The following CMC4 variants were observed in gnomAD, a reference collection of about 807,000 sequenced individuals.
CMC4 encodes cx9C motif-containing protein 4.
A neutral mutation model predicts 5.1 loss-of-function variants in CMC4; 4 were observed. The ratio of observed to expected loss-of-function variants is 0.78; its 90% CI spans 0.38 to 1.78. The LOEUF is 1.78. CMC4 is among the 40% of genes most tolerant of loss of function. CMC4 has a pLI of 0.04. For missense variants in CMC4, 52 were observed against 51.3 expected, an observed-to-expected ratio of 1.01 and a Z score of -0.04; for synonymous variants, 23 against 18.9, an observed-to-expected ratio of 1.22 and a Z score of -0.57.
intron 1 of CMC4, among the ~76,000 whole-genome samples, chrX:155,068,445 G>A (rs1557292172): frequency 1.8e-5 from 2 of 112,345 alleles, no homozygotes; most frequent in Admixed American, 1.9e-4. Flanking sequence ...TCCTGGAATT[G>A]TGTGTGCTAG....
intron 1 of CMC4, among the ~76,000 whole-genome samples, chrX:155,066,625 C>A (rs5945137): frequency 0.13 from 14,345 of 111,597 alleles, 893 homozygotes; most frequent in African/African-American, 0.23. Context: ...TTACAAATAG[C>A]GGATGGGCAT....
In CMC4 at chrX:155,070,780, G is replaced by A. The variant is rs2073970453; in HGVS notation, c.-97C>T. The A allele has an allele frequency of 1.8e-5, 2 of 112,479 alleles. No homozygotes were observed. Among genetic ancestry groups the A allele is most frequent in the Non-Finnish European group, 3.8e-5 (2 of 53,197 alleles). 9.3% of individuals were successfully genotyped at this position (112,479 alleles called of 1,213,427 possible). ...AGGTCTCCCACCCTGGGCCACTCAA[G>A]CCAGGATCGCGACGTGAGCCCGGGG... On this transcript the variant is annotated 5_prime_UTR_variant, in exon 1 of 3. Transcript: ENST00000369484.
chrX:155,063,854 T>G lies in CMC4; in HGVS notation c.58+112A>C, dbSNP rs2073937741. ...CAATGAAGAGAATCTTCAGGATAAT[T>G]ACATATACGTTACATTCTTAAAAAA... is the stretch of plus-strand genomic sequence containing the variant. On this transcript the variant is annotated intron_variant, in intron 2 of 2. Coordinates refer to ENST00000369484, the MANE Select transcript of CMC4 (RefSeq NM_001018024.3). The G allele has an allele frequency of 8.8e-6, 5 of 570,520 alleles. No individual in the cohort carries two copies. In the South Asian group the frequency reaches 1.5e-4, roughly 17 times the overall value. The allele number at this position is 570,520 out of a possible 1,213,427, so 47.0% of individuals were successfully genotyped here.
At chrX:155,067,716 T>C (rs1158705867) in intron 1 of CMC4, among the ~76,000 whole-genome samples, 1 of 112,470 alleles carries the variant, frequency 8.9e-6, no homozygotes, top group Non-Finnish European at 1.9e-5. Flanking sequence ...TAAAGCACAG[T>C]ATTGTATTCT....
intron 1 of CMC4, chrX:155,065,519 G>A (rs1160420417): frequency 8.3e-7 from 1 of 1,209,752 alleles, no homozygotes; most frequent in Non-Finnish European, 1.1e-6. Flanking sequence ...TTAAGCAACA[G>A]CTCCTGTACT....
intron 1 of CMC4, chrX:155,064,436 G>A (rs2073940991): frequency 8.6e-6 from 1 of 115,949 alleles, no homozygotes; most frequent in South Asian, 3.5e-4. Flanking sequence ...GCATTGACAG[G>A]AGGATTAAAT....
intron 2 of CMC4, among the ~76,000 whole-genome samples, chrX:155,063,688 C>CT (rs2073936894): frequency 1.8e-5 from 2 of 111,483 alleles, no homozygotes; most frequent in East Asian, 2.8e-4. Flanking sequence ...ACAAAAAACC[C>CT]TTTTTTTCCT....
In CMC4 at chrX:155,063,983, A is replaced by G. The variant is rs143739041; in HGVS notation, c.41T>C (p.Ile14Thr). The change falls in exon 2 of 3, where the codon ATA (isoleucine) becomes ACA (threonine). Residue 14 changes from isoleucine to threonine, a missense_variant. By Grantham distance (89) the Ile-to-Thr change is moderately conservative (BLOSUM62 -1). Coordinates refer to ENST00000369484, the MANE Select transcript of CMC4 (RefSeq NM_001018024.3). ...KDPCQKQACE[I>T]QKCLQANSYM... ...TATACTACCTTGTAAACATTTCTGT[A>G]TCTCACAGGCTTGCTTCTGGCACGG... 32 of 1,195,514 alleles carry G rather than the reference A, an allele frequency of 2.7e-5. No homozygotes were observed. The East Asian group carries it at 3.6e-4, about 13-fold the overall frequency.
At chrX:155,068,001 G>A (rs1369142393) in intron 1 of CMC4, among the ~76,000 whole-genome samples, 3 of 112,026 alleles carry the variant, frequency 2.7e-5, no homozygotes, top group African/African-American at 9.7e-5. Flanking sequence ...CTTTGGAAAA[G>A]AGAAATACAA....
At chrX:155,065,963 G>A in intron 1 of CMC4, 4 of 1,210,241 alleles carry the variant, frequency 3.3e-6, no homozygotes, top group Non-Finnish European at 3.4e-6. Context: ...TACCCTCTTG[G>A]TGAACCCAGA....
chrX:155,070,253 T>C (rs2073967306), intron 1 of CMC4, among the ~76,000 whole-genome samples: 1 of 111,653 alleles, frequency 9.0e-6, no homozygotes, highest in Non-Finnish European at 1.9e-5. Context: ...AGTACTGCCA[T>C]ACCTGCCTGG....
chrX:155,064,865 TA>T (rs1557291903), intron 1 of CMC4: 1 of 112,731 alleles, frequency 8.9e-6, no homozygotes, highest in East Asian at 2.8e-4. Flanking sequence ...CAGAGCCCTC[TA>T]AATACTCAGC....
chrX:155,064,228 G>C, intron 1 of CMC4, 195 bp from the exon 2 acceptor site: 2 of 300,168 alleles, frequency 6.7e-6, no homozygotes, highest in Non-Finnish European at 1.2e-5. Context: ...AGGCTTGGAA[G>C]ATATAAATAG....
intron 1 of CMC4, among the ~76,000 whole-genome samples, chrX:155,067,824 G>C (rs1015733798): frequency 2.7e-5 from 3 of 112,020 alleles, no homozygotes; most frequent in African/African-American, 9.8e-5. Context: ...GGTGGGTAGG[G>C]AAGGGAAACA....
At chrX:155,069,584 G>A (rs991181109) in intron 1 of CMC4, among the ~76,000 whole-genome samples, 3 of 112,374 alleles carry the variant, frequency 2.7e-5, no homozygotes, top group African/African-American at 9.7e-5. Flanking sequence ...GCACAGAGAA[G>A]TTAGGTAACT....
chrX:155,066,065 A>G (rs1338929887), intron 1 of CMC4: 1 of 985,037 alleles, frequency 1.0e-6, no homozygotes, highest in Non-Finnish European at 1.4e-6. Flanking sequence ...AGCCTGCAGC[A>G]CCCGCGCACA....
At chrX:155,062,481 C>T (rs2073931919) in intron 2 of CMC4, among the ~76,000 whole-genome samples, 2 of 112,208 alleles carry the variant, frequency 1.8e-5, no homozygotes, top group South Asian at 7.3e-4. Flanking sequence ...GTTGTAAACA[C>T]ACAACACATA....
intron 1 of CMC4, 86 bp from the exon 2 acceptor site, chrX:155,064,119 C>A: frequency 1.7e-6 from 1 of 602,637 alleles, no homozygotes; most frequent in African/African-American, 2.3e-5. Context: ...CTGAGACAAG[C>A]AGTATATGCC....
intron 2 of CMC4, among the ~76,000 whole-genome samples, chrX:155,062,377 G>A: frequency 8.9e-6 from 1 of 111,808 alleles, no homozygotes; most frequent in Non-Finnish European, 1.9e-5. Flanking sequence ...CCCTACTAAG[G>A]CTGTGCATCA....
Sources: allele counts gnomAD v4.1 joint callset (sites outside exome capture counted in the v4.1 genomes callset), GRCh38; gene constraint gnomAD v4.1.1; transcripts MANE v1.5; gene names NCBI Gene and HGNC (gene_info 2026-07-23, HGNC 2026-07-21).